FYB2: variants seen among roughly 807,000 people sequenced by gnomAD.
FYB2 encodes the protein FYN-binding protein 2.
FYB2 carries 103 observed loss-of-function variants against 94.1 expected under a neutral mutation model. The observed-to-expected ratio is 1.09, with a 90% CI of 0.93 to 1.29. The LOEUF is 1.29. Ranked by LOEUF, FYB2 falls within the 50% of genes most tolerant of loss-of-function variation. The pLI, the probability that FYB2 is intolerant of heterozygous loss-of-function variation, is 0.00. For synonymous variants in FYB2, 293 were observed against 287.9 expected, an observed-to-expected ratio of 1.02 and a Z score of -0.18; for missense variants, 896 against 841.5, an observed-to-expected ratio of 1.06 and a Z score of -0.80.
intron 4 of FYB2, among the ~76,000 whole-genome samples, chr1:56,780,821 T>C (rs1191104325): frequency 6.6e-6 from 1 of 152,198 alleles, no homozygotes; most frequent in African/African-American, 2.4e-5. Context: ...CCCTGTTGTG[T>C]CCCTGAAGTC....
chr1:56,792,450 A>G lies in FYB2; in HGVS notation c.363T>C (p.Asn121=), dbSNP rs774647441. Reference sequence around the variant, plus strand: ...CTTTTTCCTTAGTGATTATCTCAACATTTGATTGAGTCACCTCTAACAGCA... The same window carrying G: ...CTTTTTCCTTAGTGATTATCTCAACGTTTGATTGAGTCACCTCTAACAGCA... ...ASLLLEVTQS[N]VEIITKEKVM... Residue 121 remains asparagine (N), a synonymous_variant, in exon 2 of 20, where the codon AAT becomes AAC. Coordinates refer to ENST00000343433, the MANE Select transcript of FYB2 (RefSeq NM_001004303.5). The G allele has an allele frequency of 6.2e-7, 1 of 1,614,098 alleles. No homozygotes were observed. Among genetic ancestry groups the G allele is most frequent in the Non-Finnish European group, 8.5e-7 (1 of 1,180,042 alleles).
At chr1:56,739,028 C>T (rs555486613) in intron 13 of FYB2, among the ~76,000 whole-genome samples, 1 of 152,058 alleles carries the variant, frequency 6.6e-6, no homozygotes, top group African/African-American at 2.4e-5. Flanking sequence ...CATGAGACAC[C>T]ATGGCAGAGT....
At position 56,767,041 on chromosome 1, in the gene FYB2, G is replaced by A. The variant is rs146671002; in HGVS notation, c.1063+788C>T. Among the ~76,000 whole-genome samples, 7 of 152,288 alleles carry A rather than the reference G, an allele frequency of 4.6e-5. No individual in the cohort carries two copies. In the East Asian group the frequency reaches 9.7e-4, roughly 21 times the overall value. ...TGCAACTCAATCTTTCTGATGTTCA[G>A]TTTCCTGTATCAAACATTAGGGGTG... On this transcript the variant is annotated intron_variant, in intron 5 of 19. Transcript: ENST00000343433.
chr1:56,764,728 T>A lies in FYB2; in HGVS notation c.1063+3101A>T, dbSNP rs528414833. Among the ~76,000 whole-genome samples, 104 of 151,834 alleles carry A rather than the reference T, an allele frequency of 6.8e-4. 1 individual carries two copies. Among genetic ancestry groups the A allele is most frequent in the African/African-American group, 2.1e-3 (87 of 41,442 alleles). On this transcript the variant is annotated intron_variant, in intron 5 of 19. Coordinates refer to ENST00000343433, the MANE Select transcript of FYB2 (RefSeq NM_001004303.5). The stretch of plus-strand genomic sequence containing the variant: ...GCCATCTCAATTTTGGCAGATATAT[T>A]TTTTTTTTCAGCTTCAGCTGCCGTA...
intron 1 of FYB2, among the ~76,000 whole-genome samples, chr1:56,818,561 T>C (rs1328066298): frequency 2.0e-5 from 3 of 149,144 alleles, no homozygotes; most frequent in Admixed American, 6.7e-5. Flanking sequence ...GAGTGGAGAA[T>C]TGGAGAAGGA....
At chr1:56,814,312 C>G (rs950357705) in intron 1 of FYB2, among the ~76,000 whole-genome samples, 2 of 152,168 alleles carry the variant, frequency 1.3e-5, no homozygotes, top group Non-Finnish European at 2.9e-5. Flanking sequence ...TGGGGAACAA[C>G]TGGAGAAAAT....
chr1:56,779,531 T>G, intron 4 of FYB2, among the ~76,000 whole-genome samples: 1 of 152,228 alleles, frequency 6.6e-6, no homozygotes, highest in East Asian at 1.9e-4. Context: ...TTAGCTTTAA[T>G]ATTCGAGGGA....
chr1:56,819,480 G>C (rs1359265978), upstream of FYB2: 2 of 751,708 alleles, frequency 2.7e-6, no homozygotes, highest in African/African-American at 3.5e-5. Context: ...GCTGGGCCAG[G>C]GCCGGCCGCC....
chr1:56,765,129 T>C (rs935821478), intron 5 of FYB2, among the ~76,000 whole-genome samples: 3 of 152,154 alleles, frequency 2.0e-5, no homozygotes, highest in African/African-American at 7.2e-5. Flanking sequence ...GGAAGGAGTT[T>C]GGCTCTCCAG....
upstream of FYB2, among the ~76,000 whole-genome samples, chr1:56,823,499 G>T (rs1233209807): frequency 2.0e-5 from 3 of 152,110 alleles, no homozygotes; most frequent in Non-Finnish European, 4.4e-5. Flanking sequence ...TTCAAGAAAG[G>T]TCTTGCTTCC....
intron 15 of FYB2, among the ~76,000 whole-genome samples, chr1:56,732,360 G>C (rs1372647768): frequency 6.6e-6 from 1 of 152,138 alleles, no homozygotes; most frequent in Admixed American, 6.6e-5. Flanking sequence ...GACATCTCAT[G>C]CTCATAGATT....
the FYB2 span, chr1:56,826,778 A>G: frequency 2.6e-5 from 4 of 152,192 alleles, no homozygotes; most frequent in Admixed American, 6.5e-5. Context: ...CACCCTCCCA[A>G]GTATTTCTGA....
chr1:56,734,650 C>G (rs987251335), intron 15 of FYB2, among the ~76,000 whole-genome samples: 1 of 151,938 alleles, frequency 6.6e-6, no homozygotes, highest in Admixed American at 6.6e-5. Context: ...ACATCACACA[C>G]TGGGGCTTGT....
chr1:56,785,226 A>G (rs1570142363), intron 4 of FYB2, among the ~76,000 whole-genome samples: 1 of 152,206 alleles, frequency 6.6e-6, no homozygotes, highest in Non-Finnish European at 1.5e-5. Context: ...AGAAGAGGTC[A>G]GCTTAGATTA....
At chr1:56,733,312 C>T (rs1644753590) in intron 15 of FYB2, among the ~76,000 whole-genome samples, 1 of 151,752 alleles carries the variant, frequency 6.6e-6, no homozygotes, top group Non-Finnish European at 1.5e-5. Context: ...CTATTTGATT[C>T]TTCTCTATTT....
chr1:56,751,823 C>T (rs922831186), intron 8 of FYB2, among the ~76,000 whole-genome samples: 2 of 152,004 alleles, frequency 1.3e-5, no homozygotes, highest in East Asian at 3.9e-4. Flanking sequence ...GGAGATAATG[C>T]ATGCAAATGA....
intron 4 of FYB2, among the ~76,000 whole-genome samples, chr1:56,775,209 A>G (rs758292093): frequency 5.3e-5 from 8 of 152,078 alleles, no homozygotes; most frequent in African/African-American, 1.2e-4. Context: ...CAATTCTACT[A>G]TGACTTCTAC....
chr1:56,776,954 C>G lies in FYB2; in HGVS notation c.954-9016G>C, dbSNP rs200688536. Among the ~76,000 whole-genome samples the G allele has an allele frequency of 2.3e-4, 2 of 8,520 alleles. 1 individual carries two copies. Among genetic ancestry groups the G allele is most frequent in the Non-Finnish European group, 3.4e-4 (2 of 5,868 alleles). 5.6% of individuals were successfully genotyped at this position (8,520 alleles called of 152,430 possible). A position where few individuals can be genotyped will look rare whatever the true frequency, so the allele number is the denominator to read the frequency against. On this transcript the variant is annotated intron_variant, in intron 4 of 19. Transcript: ENST00000343433. ...TATATTAGAAAATAGAAGGCCCAGG[C>G]CGGGCGCGGTGGCTCACGCCTGTAA...
At chr1:56,749,282 C>T (rs965755891) in intron 9 of FYB2, among the ~76,000 whole-genome samples, 2 of 151,792 alleles carry the variant, frequency 1.3e-5, no homozygotes, top group African/African-American at 4.8e-5. Flanking sequence ...TCCTCTTCCT[C>T]ACTTTTCCAG....
Sources: allele counts gnomAD v4.1 joint callset (sites outside exome capture counted in the v4.1 genomes callset), GRCh38; gene constraint gnomAD v4.1.1; transcripts MANE v1.5; gene names NCBI Gene and HGNC (gene_info 2026-07-23, HGNC 2026-07-21).